Variants in RBPMS observed in about 807,000 individuals in gnomAD.
RBPMS encodes the protein RNA binding protein, mRNA processing factor, also known as RNA-binding protein with multiple splicing.
A neutral mutation model predicts 26.8 loss-of-function variants in RBPMS; 7 were observed. The ratio of observed to expected loss-of-function variants is 0.26; its 90% confidence interval spans 0.15 to 0.49. The LOEUF is 0.49. RBPMS is among the 20% of genes least tolerant of loss of function. The pLI is 0.98. For missense variants in RBPMS, 186 were observed against 250.0 expected (o/e 0.74, Z 1.73); for synonymous variants, 96 against 93.3 (o/e 1.03, Z -0.17).
intron 1 of RBPMS, among the ~76,000 whole-genome samples, chr8:30,419,672 T>C (rs1289116468): frequency 6.6e-6 from 1 of 152,174 alleles, no homozygotes; most frequent in East Asian, 1.9e-4. Flanking sequence ...ACCTTCAGGC[T>C]ATGTTTATAA....
chr8:30,425,775 T>C (rs764679488), intron 1 of RBPMS, among the ~76,000 whole-genome samples: 2 of 152,094 alleles, frequency 1.3e-5, no homozygotes, highest in African/African-American at 2.4e-5. Flanking sequence ...GTCCCAGATA[T>C]TGTTCTAAAC....
chr8:30,468,509 T>C (rs1173973512), intron 1 of RBPMS, among the ~76,000 whole-genome samples: 1 of 152,152 alleles, frequency 6.6e-6, no homozygotes, highest in Non-Finnish European at 1.5e-5. Flanking sequence ...ATTGATAAAT[T>C]GTGACTGGGA....
chr8:30,537,829 G>C, intron 5 of RBPMS: 1 of 323,640 alleles, frequency 3.1e-6, no homozygotes, highest in East Asian at 7.7e-5. Context: ...CATCACTGTA[G>C]TTATCTTTGT....
intron 8 of RBPMS, among the ~76,000 whole-genome samples, chr8:30,570,426 G>GGTTTGTGA (rs1828194674): frequency 6.6e-6 from 1 of 152,162 alleles, no homozygotes; most frequent in African/African-American, 2.4e-5. Flanking sequence ...CCAGGGTAGG[G>GGTTTGTGA]GTTTGTGAGC....
chr8:30,446,795 TTGTG>T (rs749402868), intron 1 of RBPMS: 12,036 of 112,070 alleles, frequency 0.11, 837 homozygotes, highest in Non-Finnish European at 0.14. Context: ...CACACATGGC[TTGTG>T]TGTGTGTGTG....
intron 5 of RBPMS, among the ~76,000 whole-genome samples, chr8:30,542,468 C>T (rs939021156): frequency 1.3e-5 from 2 of 152,198 alleles, no homozygotes; most frequent in African/African-American, 4.8e-5. Flanking sequence ...CCTCTACCCA[C>T]CCCACCCCAG....
chr8:30,419,696 C>T (rs1286452871), intron 1 of RBPMS, among the ~76,000 whole-genome samples: 2 of 152,002 alleles, frequency 1.3e-5, no homozygotes, highest in African/African-American at 4.8e-5. Context: ...GTATATGAAG[C>T]GAATGAATTT....
intron 5 of RBPMS, among the ~76,000 whole-genome samples, chr8:30,513,370 A>G (rs1241113516): frequency 1.3e-5 from 2 of 152,028 alleles, no homozygotes; most frequent in Non-Finnish European, 2.9e-5. Context: ...CAGGTGGATC[A>G]TGAGGTCAGG....
rs1365929493 is a variant in RBPMS, at chr8:30,479,819, A to G, written c.246+442A>G. ...CTTTTAGATATGCAGCATTAAAAAA[A>G]AAAAACTGGTTATAGCCTTTATTCT... On this transcript the variant is annotated intron_variant, in intron 4 of 8. Coordinates refer to ENST00000397323, the MANE Select transcript of RBPMS (RefSeq NM_001008710.3). 3.9e-5 allele frequency among the ~76,000 whole-genome samples: 6 copies of G among 152,274 alleles called. No homozygotes were observed. In the East Asian group the frequency reaches 1.2e-3, roughly 29 times the overall value.
chr8:30,524,479 T>C (rs970246069), intron 5 of RBPMS, among the ~76,000 whole-genome samples: 1 of 152,158 alleles, frequency 6.6e-6, no homozygotes, highest in African/African-American at 2.4e-5. Context: ...AGTACAATAC[T>C]CAGGTCTATA....
chr8:30,537,603 G>A (rs1466102880), intron 5 of RBPMS: 2 of 456,154 alleles, frequency 4.4e-6, no homozygotes, highest in African/African-American at 4.0e-5. Flanking sequence ...AACATGGAGA[G>A]AGGCAGTGAA....
chr8:30,570,118 C>G (rs1219545812), intron 8 of RBPMS, among the ~76,000 whole-genome samples: 1 of 150,138 alleles, frequency 6.7e-6, no homozygotes, highest in African/African-American at 2.4e-5. Context: ...CAGTGGTCAC[C>G]TAAATATTCT....
chr8:30,460,517 C>A (rs1815760355), intron 1 of RBPMS, among the ~76,000 whole-genome samples: 2 of 152,150 alleles, frequency 1.3e-5, no homozygotes, highest in African/African-American at 4.8e-5. Flanking sequence ...AGGCTTGACA[C>A]TCTTAGTCTT....
chr8:30,555,493 CAG>C (rs1356730931), intron 6 of RBPMS, among the ~76,000 whole-genome samples: 3 of 152,180 alleles, frequency 2.0e-5, no homozygotes, highest in African/African-American at 7.2e-5. Flanking sequence ...AAGTTTCTCA[CAG>C]GGTCTTGAGA....
chr8:30,568,401 A>G (rs1828044924), intron 8 of RBPMS, among the ~76,000 whole-genome samples: 1 of 152,190 alleles, frequency 6.6e-6, no homozygotes, highest in African/African-American at 2.4e-5. Flanking sequence ...AAGAGACCGC[A>G]GAGTGAGGGG....
At chr8:30,557,895 T>C (rs1456164332) in intron 6 of RBPMS, among the ~76,000 whole-genome samples, 1 of 152,250 alleles carries the variant, frequency 6.6e-6, no homozygotes, top group Non-Finnish European at 1.5e-5. Context: ...TTTGAGATTT[T>C]CATTCATTGC....
At chr8:30,520,576 A>C (rs1319731217) in intron 5 of RBPMS, among the ~76,000 whole-genome samples, 3 of 152,140 alleles carry the variant, frequency 2.0e-5, no homozygotes, top group Non-Finnish European at 4.4e-5. Context: ...CTCACTTCCT[A>C]ATGGTTCAGA....
At position 30,443,943 on chromosome 8, in the gene RBPMS, A is replaced by G. The variant is rs561381035; in HGVS notation, c.67-30836A>G. 1.5e-4 allele frequency among the ~76,000 whole-genome samples: 22 copies of G among 146,328 alleles called. No homozygotes were observed. The South Asian group carries it at 2.2e-3, about 14-fold the overall frequency. On this transcript the variant is annotated intron_variant, in intron 1 of 8. Coordinates refer to ENST00000397323, the MANE Select transcript of RBPMS (RefSeq NM_001008710.3). ...ATTCACTGAGACAGAGTCTGTCTCT[A>G]TTGCCCAGGCTGGAATGCAGTTAGC...
intron 1 of RBPMS, among the ~76,000 whole-genome samples, chr8:30,454,234 T>C (rs1264611086): frequency 6.6e-6 from 1 of 152,230 alleles, no homozygotes; most frequent in East Asian, 1.9e-4. Context: ...TTGTCCATAA[T>C]GTAAGCATAC....
Sources: gnomAD v4.1 joint callset for allele counts (sites outside exome capture counted in the v4.1 genomes callset) on GRCh38, gnomAD v4.1.1 for gene constraint, MANE v1.5 for transcripts, NCBI Gene and HGNC (gene_info 2026-07-23, HGNC 2026-07-21) for gene names.